NPC1L1: variants seen among roughly 807,000 people sequenced by gnomAD.
NPC1L1 encodes NPC1-like intracellular cholesterol transporter 1.
A neutral mutation model predicts 117.0 loss-of-function variants in NPC1L1; 98 were observed. The observed-to-expected ratio is 0.84, with a 90% CI of 0.71 to 0.99. NPC1L1 has a LOEUF of 0.99. Among genes scored for constraint, NPC1L1 ranks in the 50% least tolerant of loss-of-function variants. The pLI, the probability that NPC1L1 is intolerant of heterozygous loss-of-function variation, is 0.00. For missense variants in NPC1L1, 1,540 were observed against 1,710.0 expected (o/e 0.90, Z 1.75); for synonymous variants, 729 against 727.6 (o/e 1.00, Z -0.03).
rs149370135 is a variant in NPC1L1 at position 44,534,263 on chromosome 7, G to A, written c.2166+184C>T. ...AGAAAGCTAATTCCAGATGGTAGAGGCAGGATGAAGTCATTTATGTCAACA... is the reference window on the plus strand; with the variant it reads ...AGAAAGCTAATTCCAGATGGTAGAGACAGGATGAAGTCATTTATGTCAACA... On this transcript the variant is annotated intron_variant, in intron 6 of 18. Coordinates refer to ENST00000381160, the MANE Select transcript of NPC1L1 (RefSeq NM_001101648.2). The surrounding 1 kb of genome is among the most constrained non-coding windows in gnomAD (Gnocchi z 5.2). 6.6e-6 allele frequency among the ~76,000 whole-genome samples: 1 copy of A among 152,302 alleles called. No homozygotes were observed. Among genetic ancestry groups the A allele is most frequent in the Non-Finnish European group, 1.5e-5 (1 of 68,026 alleles).
rs1342718267 is a variant in NPC1L1, at chr7:44,539,671, A to C, written c.726T>G (p.Arg242=). Residue 242 remains arginine (R), a synonymous_variant, in exon 2 of 19, where the codon CGT becomes CGG. Transcript: ENST00000381160. This position sits in a 1 kb window ranked among gnomAD's most constrained non-coding sequence, Gnocchi z 4.4. ...GIQPLNEGVA[R]CNESQGDDVA... is the part of the protein sequence containing the mutation. ...CGTCGTCACCTTGGGACTCATTGCA[A>C]CGTGCAACCCCCTCATTCAGAGGCT... The C allele has an allele frequency of 6.2e-7, 1 of 1,613,914 alleles. No individual in the cohort carries two copies. The highest frequency in any genetic ancestry group is 8.5e-7 in the Non-Finnish European group (1 of 1,180,018).
intron 10 of NPC1L1, among the ~76,000 whole-genome samples, chr7:44,527,856 G>A (rs187358944): frequency 3.3e-5 from 5 of 152,144 alleles, no homozygotes; most frequent in South Asian, 2.1e-4. Flanking sequence ...ACATAGTCTC[G>A]CTCTGTCGCC....
Position 44,532,071 on chromosome 7 carries a change from C to T in NPC1L1, c.2547+9G>A, listed in dbSNP as rs763301129. ...GCCCCTGCTCTCGTGTGGTTCGAGG[C>T]CCACTCACCACAACACCTCGAGTGA... On this transcript the variant is annotated intron_variant, in intron 9 of 18. Coordinates refer to ENST00000381160, the MANE Select transcript of NPC1L1 (RefSeq NM_001101648.2). The T allele has an allele frequency of 3.7e-6, 6 of 1,614,208 alleles. No individual in the cohort carries two copies. The South Asian group carries it at 5.5e-5, about 15-fold the overall frequency.
chr7:44,536,264 T>A lies in NPC1L1; in HGVS notation c.1846A>T (p.Met616Leu). Residue 616 changes from methionine to leucine, a missense_variant, in exon 4 of 19, where the codon ATG becomes TTG. Around this residue, in one of 3 missense-constraint regions of NPC1L1, gnomAD observed 793 missense variants for 820.4 expected, o/e 0.97. Coordinates refer to ENST00000381160, the MANE Select transcript of NPC1L1 (RefSeq NM_001101648.2). The surrounding 1 kb of genome is among the most constrained non-coding windows in gnomAD (Gnocchi z 4.7). ...GACCCTGCAGCCCCTACCTCAGCCA[T>A]GAACGTGACCTGGAACATGCCAGCC... ...RMAGMFQVTF[M>L]AERSLEDEIN... The A allele has an allele frequency of 6.2e-7, 1 of 1,613,752 alleles. No individual in the cohort carries two copies.
intron 18 of NPC1L1, 51 bp from the exon 19 acceptor site, chr7:44,513,700 T>G (rs1000104535): frequency 1.3e-6 from 2 of 1,588,310 alleles, no homozygotes; most frequent in Non-Finnish European, 1.7e-6. Flanking sequence ...GGGACACAGG[T>G]GAGAAGCTAT....
chr7:44,514,601 G>A (rs1458887899), intron 18 of NPC1L1, among the ~76,000 whole-genome samples: 3 of 152,214 alleles, frequency 2.0e-5, no homozygotes, highest in Non-Finnish European at 4.4e-5. Context: ...CCAGGAGGCA[G>A]AGGTTGCAGT....
Position 44,540,191 on chromosome 7 carries a change from T to A in NPC1L1, c.206A>T (p.Asp69Val). The A allele has an allele frequency of 6.2e-7, 1 of 1,613,902 alleles. No homozygotes were observed. Among genetic ancestry groups the A allele is most frequent in the East Asian group, 2.2e-5 (1 of 44,854 alleles). Residue 69 changes from aspartate to valine, a missense_variant, in exon 2 of 19, where the codon GAT becomes GTT. Coordinates refer to ENST00000381160, the MANE Select transcript of NPC1L1 (RefSeq NM_001101648.2). ...SNTPARKITG[D>V]HLILLQKICP... is the part of the protein sequence containing the mutation. ...GATCTTCTGTAATAGGATCAGGTGA[T>A]CACCTGTGATCTTGCGGGCCGGCGT... is the stretch of plus-strand genomic sequence containing the variant.
At chr7:44,522,281 T>G (rs769552904) in intron 10 of NPC1L1, 39 bp from the exon 11 acceptor site, 13 of 1,582,128 alleles carry the variant, frequency 8.2e-6, no homozygotes, top group Middle Eastern at 3.3e-4. Context: ...TGGTTCGCTA[T>G]GCACACCCCT....
chr7:44,531,759 G>T lies in NPC1L1; in HGVS notation c.2633C>A (p.Pro878His). ...TTGAGAAGGGCCTGGGCTCACCTTGGGCAGGGCCAGCTCCTGGTCCAGTCC... is the reference window on the plus strand; with the variant it reads ...TTGAGAAGGGCCTGGGCTCACCTTGTGCAGGGCCAGCTCCTGGTCCAGTCC... The part of the protein sequence containing the change: ...SVGLDQELAL[P>H]KDSYLLDYFL... Residue 878 changes from proline to histidine, a missense_variant, in exon 10 of 19, where the codon CCC becomes CAC. This residue lies in a region of NPC1L1 where 742 missense variants were observed against 873.6 expected (regional missense o/e 0.85). Coordinates refer to ENST00000381160, the MANE Select transcript of NPC1L1 (RefSeq NM_001101648.2). The T allele has an allele frequency of 6.4e-7, 1 of 1,572,234 alleles. No individual in the cohort carries two copies. The highest frequency in any genetic ancestry group is 8.6e-7 in the Non-Finnish European group (1 of 1,158,706).
In NPC1L1 at chr7:44,534,742, G is replaced by A. The variant is rs1360696812; in HGVS notation, c.1984-113C>T. The A allele has an allele frequency of 1.3e-5, 13 of 999,830 alleles. No homozygotes were observed. In the East Asian group the frequency reaches 3.3e-4, roughly 25 times the overall value. 61.9% of individuals were successfully genotyped at this position (999,830 alleles called of 1,614,324 possible). A position where few individuals can be genotyped will look rare whatever the true frequency, so the allele number is the denominator to read the frequency against. ...GCAGGCACCCTCAGTGCCTGCAGGT[G>A]CCCGATACTGCCCCCAGTGGTGAGG... On this transcript the variant is annotated intron_variant, in intron 5 of 18. Transcript: ENST00000381160. This position sits in a 1 kb window ranked among gnomAD's most constrained non-coding sequence, Gnocchi z 5.2.
rs925764143 is a variant in NPC1L1, at chr7:44,538,738, C to T, written c.1580+79G>A. On this transcript the variant is annotated intron_variant, in intron 2 of 18. Coordinates refer to ENST00000381160, the MANE Select transcript of NPC1L1 (RefSeq NM_001101648.2). This position sits in a 1 kb window ranked among gnomAD's most constrained non-coding sequence, Gnocchi z 5.9. ...GGTCCTTCAGGACCAGCTGTATGCC[C>T]GGCCAGGTTCCCAGGAGGCCATGGC... The T allele has an allele frequency of 5.4e-5, 78 of 1,440,278 alleles. No individual in the cohort carries two copies. The highest frequency in any genetic ancestry group is 1.8e-4 in the Middle Eastern group (1 of 5,708). The allele number at this position is 1,440,278 out of a possible 1,614,324, so 89.2% of individuals were successfully genotyped here. A position where few individuals can be genotyped will look rare whatever the true frequency, so the allele number is the denominator to read the frequency against.
chr7:44,519,221 T>C (rs1397227987), intron 14 of NPC1L1, among the ~76,000 whole-genome samples: 5 of 152,068 alleles, frequency 3.3e-5, no homozygotes, highest in African/African-American at 1.2e-4. Context: ...AATTTCCAGG[T>C]TATGCTGATG....
Position 44,541,275 on chromosome 7 carries a change from G to A in NPC1L1, c.-16C>T, listed in dbSNP as rs1371574544. On this transcript the variant is annotated 5_prime_UTR_variant, in exon 1 of 19. Coordinates refer to ENST00000381160, the MANE Select transcript of NPC1L1 (RefSeq NM_001101648.2). ...CCTCCGCCATCCCAGGTCTGGGAAG[G>A]GGTCAGCGGGGAGCCAGGCCAGGCC... 2 of 1,549,336 alleles carry A rather than the reference G, an allele frequency of 1.3e-6. No homozygotes were observed. Among genetic ancestry groups the A allele is most frequent in the African/African-American group, 2.7e-5 (2 of 73,044 alleles).
At chr7:44,520,730 T>A in intron 14 of NPC1L1, 35 bp downstream of exon 14, 1 of 1,604,140 alleles carries the variant, frequency 6.2e-7, no homozygotes, top group South Asian at 1.1e-5. Flanking sequence ...GAGCAACCGA[T>A]TTATGTCCTC....
Position 44,538,481 on chromosome 7 carries a change from T to G in NPC1L1, c.1580+336A>C, listed in dbSNP as rs750487363. 2.2e-4 allele frequency among the ~76,000 whole-genome samples: 33 copies of G among 152,360 alleles called. No individual in the cohort carries two copies. The highest frequency in any genetic ancestry group is 4.6e-4 in the Non-Finnish European group (31 of 68,044). On this transcript the variant is annotated intron_variant, in intron 2 of 18. Transcript: ENST00000381160. The surrounding 1 kb of genome is among the most constrained non-coding windows in gnomAD (Gnocchi z 5.9). The stretch of plus-strand genomic sequence containing the variant: ...ACATAGCAAATATAAATATGTACTC[T>G]GCCAATCGGGCTCCTCTGTCAGACT...
Position 44,538,951 on chromosome 7 carries a change from G to C in NPC1L1, c.1446C>G (p.Leu482=). The C allele has an allele frequency of 6.2e-7, 1 of 1,614,226 alleles. No homozygotes were observed. The highest frequency in any genetic ancestry group is 8.5e-7 in the Non-Finnish European group (1 of 1,180,044). Residue 482 remains leucine (L), a synonymous_variant, in exon 2 of 19, where the codon CTC becomes CTG. Coordinates refer to ENST00000381160, the MANE Select transcript of NPC1L1 (RefSeq NM_001101648.2). The surrounding 1 kb of genome is among the most constrained non-coding windows in gnomAD (Gnocchi z 5.9). ...GGAGGCTGTTGATGCAGCAGTCGTAGAGACTGGTATTGTCCGGATTGAGGG... is the reference window on the plus strand; with the variant it reads ...GGAGGCTGTTGATGCAGCAGTCGTACAGACTGGTATTGTCCGGATTGAGGG... ...YAPLNPDNTS[L]YDCCINSLLQ...
At chr7:44,537,086 A>C in intron 2 of NPC1L1, 144 bp from the exon 3 acceptor site, 1 of 653,932 alleles carries the variant, frequency 1.5e-6, no homozygotes. Flanking sequence ...CAGATAGCCC[A>C]GCTATCTGCA....
Position 44,522,188 on chromosome 7 carries a change from C to T in NPC1L1, c.2692G>A (p.Ala898Thr), listed in dbSNP as rs1479003480. 2 of 1,613,836 alleles carry T rather than the reference C, an allele frequency of 1.2e-6. No individual in the cohort carries two copies. Among genetic ancestry groups the T allele is most frequent in the East Asian group, 2.2e-5 (1 of 44,866 alleles). ...LFLNRYFEVG[A>T]PVYFVTTLGY... ...AAGGTGGTAACAAAGTACACCGGGG[C>T]CCCCACCTCGAAGTAGCGGTTCAGA... Residue 898 changes from alanine to threonine, a missense_variant, in exon 11 of 19, where the codon GCC (alanine) becomes ACC (threonine). By Grantham distance (58) the Ala-to-Thr change is moderately conservative (BLOSUM62 0). Transcript: ENST00000381160.
At chr7:44,528,597 G>A (rs1300190214) in intron 10 of NPC1L1, among the ~76,000 whole-genome samples, 1 of 151,818 alleles carries the variant, frequency 6.6e-6, no homozygotes, top group Non-Finnish European at 1.5e-5. Context: ...AAAATGAGAA[G>A]GAAAATGTAA....
Sources: gnomAD v4.1 joint callset for allele counts (sites outside exome capture counted in the v4.1 genomes callset) on GRCh38, gnomAD v4.1.1 for gene constraint, gnomAD v4.1.1 regional missense constraint, Gnocchi (gnomAD v3.1) non-coding constraint, MANE v1.5 for transcripts, NCBI Gene and HGNC (gene_info 2026-07-23, HGNC 2026-07-21) for gene names.